FBXL16: variants seen among roughly 807,000 people sequenced by gnomAD.
FBXL16 encodes F-box and leucine rich repeat protein 16.
FBXL16 carries 7 observed loss-of-function variants against 36.7 expected under a neutral mutation model. The observed-to-expected ratio is 0.19, with a 90% CI of 0.11 to 0.36. The LOEUF (loss-of-function observed/expected upper bound fraction) is 0.36. FBXL16 is among the 10% of genes least tolerant of loss of function. The probability of loss-of-function intolerance (pLI) is 1.00; values close to 1 mark genes in which losing one functional copy is unlikely to be tolerated. For missense variants in FBXL16, 463 were observed against 659.4 expected (o/e 0.70, Z 3.26); for synonymous variants, 355 against 308.7 (o/e 1.15, Z -1.57).
At chr16:699,779 C>G in intron 1 of FBXL16, among the ~76,000 whole-genome samples, 1 of 152,192 alleles carries the variant, frequency 6.6e-6, no homozygotes, top group Non-Finnish European at 1.5e-5. Context: ...CACCCTGCCC[C>G]CTCCTGCCAC....
intron 5 of FBXL16, 64 bp from the exon 6 acceptor site, chr16:694,487 C>T: frequency 6.7e-7 from 1 of 1,493,932 alleles, no homozygotes; most frequent in Non-Finnish European, 9.0e-7. Flanking sequence ...GACGGCCGGG[C>T]CGCGCCTCCC....
Position 693,962 on chromosome 16 carries a change from TGGCGGC to T in FBXL16, c.*307_*312del, listed in dbSNP as rs1567297048. ...CCCAAGCGGGAGGGCGAGCGAGTGA[TGGCGGC>T]GGCTGTGGCTGTGGCGTGGCGGAGG... On this transcript the variant is annotated 3_prime_UTR_variant, in exon 6 of 6. Transcript: ENST00000397621. The T allele has an allele frequency of 3.0e-5, 4 of 135,170 alleles. No individual in the cohort carries two copies. Among genetic ancestry groups the T allele is most frequent in the African/African-American group, 2.1e-4 (4 of 18,862 alleles). The allele number at this position is 135,170 out of a possible 1,614,324, so 8.4% of individuals were successfully genotyped here.
Position 695,722 on chromosome 16 carries a change from G to C in FBXL16, c.835C>G (p.His279Asp). Residue 279 changes from histidine to aspartate, a missense_variant, in exon 3 of 6, where the codon CAC (histidine) becomes GAC (aspartate). His to Asp is a moderately conservative substitution (Grantham distance 81). This residue lies in a region of FBXL16 where 66 missense variants were observed against 146.3 expected (regional missense o/e 0.45). Coordinates refer to ENST00000397621, the MANE Select transcript of FBXL16 (RefSeq NM_153350.4). ...TAGGCCAGCGCCGTGTCCGTCACGT[G>C]GTAGGCCTGCAGGCTCAGCTCCGCC... ...NLAELSLQAYHVTDTALAYFT... is the reference protein window; with the variant it reads ...NLAELSLQAYDVTDTALAYFT... 6.2e-7 allele frequency: 1 copy of C among 1,603,902 alleles called. No homozygotes were observed. The highest frequency in any genetic ancestry group is 8.5e-7 in the Non-Finnish European group (1 of 1,178,692).
chr16:697,425 G>T lies in FBXL16; in HGVS notation c.-14-6C>A. The stretch of plus-strand genomic sequence containing the variant: ...CGACATCTTCCTGGCACGCTCTGTG[G>T]ATGAGGGCCGGGAGGGGGAGTGAGT... On this transcript the variant is annotated splice_region_variant and splice_polypyrimidine_tract_variant and intron_variant, in intron 1 of 5. Transcript: ENST00000397621. The surrounding 1 kb of genome is among the most constrained non-coding windows in gnomAD (Gnocchi z 4.6). 1 of 1,524,670 alleles carries T rather than the reference G, an allele frequency of 6.6e-7. No homozygotes were observed. The highest frequency in any genetic ancestry group is 1.8e-4 in the Middle Eastern group (1 of 5,612). 94.4% of individuals were successfully genotyped at this position (1,524,670 alleles called of 1,614,324 possible).
rs1393810409 is a variant in FBXL16, at chr16:694,401, G to A, written c.1314C>T (p.Thr438=). 12 of 1,550,028 alleles carry A rather than the reference G, an allele frequency of 7.7e-6. No homozygotes were observed. The highest frequency in any genetic ancestry group is 2.5e-5 in the East Asian group (1 of 40,014). ...GCAGCTGCACCAGGCCCGACAGCCC[G>A]GTGGTGGTGAGCAGCGGGCAGCCTG... The part of the protein sequence containing the change: ...SLAGCPLLTT[T]GLSGLVQLQE... Residue 438 remains threonine, a synonymous_variant, in exon 6 of 6, where the codon ACC becomes ACT. Coordinates refer to ENST00000397621, the MANE Select transcript of FBXL16 (RefSeq NM_153350.4).
intron 1 of FBXL16, among the ~76,000 whole-genome samples, chr16:700,556 G>C (rs985005578): frequency 6.6e-6 from 1 of 152,164 alleles, no homozygotes; most frequent in African/African-American, 2.4e-5. Flanking sequence ...CCAGGTGTCC[G>C]GGGAGGCCTG....
At chr16:704,197 C>T (rs1224056398) in intron 1 of FBXL16, among the ~76,000 whole-genome samples, 2 of 152,236 alleles carry the variant, frequency 1.3e-5, no homozygotes, top group African/African-American at 4.8e-5. Context: ...CACAAGGCTT[C>T]CTGGGTCCAT....
At chr16:696,650 A>G in intron 2 of FBXL16, 123 bp downstream of exon 2, 1 of 476,112 alleles carries the variant, frequency 2.1e-6, no homozygotes, top group Non-Finnish European at 2.7e-6. Flanking sequence ...GCTTTGCGCG[A>G]GGTCCCCTGT....
At chr16:694,537 G>C (rs2039995601) in intron 5 of FBXL16, 97 bp downstream of exon 5, 5 of 1,515,542 alleles carry the variant, frequency 3.3e-6, no homozygotes, top group African/African-American at 1.4e-5. Context: ...TGTCCGCGCC[G>C]GGTGTGAGTT....
intron 4 of FBXL16, 96 bp from the exon 5 acceptor site, chr16:694,793 G>T: frequency 7.2e-7 from 1 of 1,392,318 alleles, no homozygotes. Flanking sequence ...TCAAGCCCGG[G>T]GTTCCTCCGT....
intron 3 of FBXL16, 22 bp from the exon 4 acceptor site, chr16:695,098 C>A: frequency 1.9e-6 from 3 of 1,595,308 alleles, no homozygotes; most frequent in Non-Finnish European, 2.6e-6. Flanking sequence ...CCAGAGGGGA[C>A]CCCCACCTTC....
At position 695,675 on chromosome 16, in the gene FBXL16, G is replaced by A; in HGVS notation, c.882C>T (p.His294=). ...AGAGCAGGCGCAGCGTGTGCGTGCTGTGGCCCTGGCGCGCCGTGAAGTAGG... is the reference window on the plus strand; with the variant it reads ...AGAGCAGGCGCAGCGTGTGCGTGCTATGGCCCTGGCGCGCCGTGAAGTAGG... ...ALAYFTARQG[H]STHTLRLLSC... Residue 294 remains histidine, a synonymous_variant, in exon 3 of 6, where the codon CAC becomes CAT. Transcript: ENST00000397621. The A allele has an allele frequency of 6.2e-7, 1 of 1,606,158 alleles. No individual in the cohort carries two copies. Among genetic ancestry groups the A allele is most frequent in the Non-Finnish European group, 8.5e-7 (1 of 1,179,478 alleles).
intron 1 of FBXL16, among the ~76,000 whole-genome samples, chr16:699,497 C>A (rs890270756): frequency 1.3e-5 from 2 of 152,224 alleles, no homozygotes; most frequent in Non-Finnish European, 2.9e-5. Flanking sequence ...TGGCAAGCCA[C>A]TTCCCTTCTC....
Position 697,532 on chromosome 16 carries a change from C to G in FBXL16, c.-14-113G>C. ...TCCTTGGGCGTCCCTATGGTGCTCCCAGAACCACCAGACAGAGAGGATGGG... is the reference window on the plus strand; with the variant it reads ...TCCTTGGGCGTCCCTATGGTGCTCCGAGAACCACCAGACAGAGAGGATGGG... On this transcript the variant is annotated intron_variant, in intron 1 of 5. Coordinates refer to ENST00000397621, the MANE Select transcript of FBXL16 (RefSeq NM_153350.4). The surrounding 1 kb of genome is among the most constrained non-coding windows in gnomAD (Gnocchi z 4.6). The G allele has an allele frequency of 7.8e-7, 1 of 1,282,260 alleles. No homozygotes were observed. Among genetic ancestry groups the G allele is most frequent in the Non-Finnish European group, 1.0e-6 (1 of 963,994 alleles). The allele number at this position is 1,282,260 out of a possible 1,614,324, so 79.4% of individuals were successfully genotyped here. A position where few individuals can be genotyped will look rare whatever the true frequency, so the allele number is the denominator to read the frequency against.
chr16:702,384 A>C (rs767881127), intron 1 of FBXL16, among the ~76,000 whole-genome samples: 5 of 152,126 alleles, frequency 3.3e-5, no homozygotes, highest in Non-Finnish European at 4.4e-5. Flanking sequence ...CCAGCTCTTG[A>C]GAAAGCGTCT....
rs576205342 is a variant in FBXL16, at chr16:697,859, G to A, written c.-14-440C>T. ...TCTAAAAATACAAAAAATTAGCTGGGCATGGTGGCAGGCGCCTGTAGTACC... is the reference window on the plus strand; with the variant it reads ...TCTAAAAATACAAAAAATTAGCTGGACATGGTGGCAGGCGCCTGTAGTACC... On this transcript the variant is annotated intron_variant, in intron 1 of 5. Coordinates refer to ENST00000397621, the MANE Select transcript of FBXL16 (RefSeq NM_153350.4). This position sits in a 1 kb window ranked among gnomAD's most constrained non-coding sequence, Gnocchi z 4.6. Among the ~76,000 whole-genome samples the A allele has an allele frequency of 1.4e-4, 21 of 152,134 alleles. No individual in the cohort carries two copies. In the South Asian group the frequency reaches 4.4e-3, roughly 32 times the overall value.
intron 1 of FBXL16, among the ~76,000 whole-genome samples, chr16:702,131 C>A (rs954168252): frequency 6.6e-6 from 1 of 152,192 alleles, no homozygotes; most frequent in African/African-American, 2.4e-5. Flanking sequence ...CATGTGGGGG[C>A]CCCGCAGGAG....
At chr16:700,809 C>A (rs1202229343) in intron 1 of FBXL16, among the ~76,000 whole-genome samples, 7 of 152,050 alleles carry the variant, frequency 4.6e-5, no homozygotes. Context: ...AGCGGCCGCC[C>A]CAGCCGCGCG....
rs376489903 is a variant in FBXL16, at chr16:696,880, C to T, written c.526G>A (p.Val176Ile). The T allele has an allele frequency of 4.3e-6, 7 of 1,609,860 alleles. No individual in the cohort carries two copies. The highest frequency in any genetic ancestry group is 4.2e-6 in the Non-Finnish European group (5 of 1,179,186). ...AACTCACAGATGTCCAGGTCGGAGA[C>T]GCCAACCAGGCAGAAGCCCTCGAAG... ...RGFEGFCLVG[V>I]SDLDICEFID... Residue 176 changes from valine to isoleucine, a missense_variant, in exon 2 of 6, where the codon GTC becomes ATC. Physicochemically the swap from Val to Ile is conservative, Grantham distance 29 (BLOSUM62 3). Transcript: ENST00000397621.
Sources: gnomAD v4.1 joint callset for allele counts (sites outside exome capture counted in the v4.1 genomes callset) on GRCh38, gnomAD v4.1.1 for gene constraint, gnomAD v4.1.1 regional missense constraint, Gnocchi (gnomAD v3.1) non-coding constraint, MANE v1.5 for transcripts, NCBI Gene and HGNC (gene_info 2026-07-23, HGNC 2026-07-21) for gene names.